The following LRMDA variants were observed in gnomAD, a reference collection of about 807,000 sequenced individuals.
LRMDA encodes leucine rich melanocyte differentiation associated, also known as leucine-rich melanocyte differentiation-associated protein.
Under a neutral mutation model 29.8 loss-of-function variants are expected in LRMDA, and 18 were observed. The ratio of observed to expected loss-of-function variants is 0.60; its 90% confidence interval spans 0.42 to 0.90. The LOEUF (loss-of-function observed/expected upper bound fraction) is 0.90, where lower values mean the gene tolerates loss of function less well. Among genes scored for constraint, LRMDA ranks in the 40% least tolerant of loss-of-function variants. The pLI is 0.00. For missense variants in LRMDA, 273 were observed against 273.9 expected (o/e 1.00, Z 0.02); for synonymous variants, 125 against 109.4 (o/e 1.14, Z -0.89).
intron 6 of LRMDA, among the ~76,000 whole-genome samples, chr10:76,555,601 G>T (rs1477035216): frequency 6.6e-6 from 1 of 152,154 alleles, no homozygotes; most frequent in African/African-American, 2.4e-5. Context: ...CATCTGCTCT[G>T]TCCTTAAAAG....
At chr10:76,128,904 C>G (rs887163423) in intron 5 of LRMDA, among the ~76,000 whole-genome samples, 5 of 152,280 alleles carry the variant, frequency 3.3e-5, no homozygotes, top group Admixed American at 1.3e-4. Context: ...CAAGGAGCGT[C>G]TACCTTATTC....
intron 6 of LRMDA, among the ~76,000 whole-genome samples, chr10:76,371,508 A>G (rs537669146): frequency 1.3e-5 from 2 of 152,032 alleles, no homozygotes; most frequent in Non-Finnish European, 2.9e-5. Flanking sequence ...AGAGCCTGCC[A>G]CTCACTCTTT....
intron 2 of LRMDA, among the ~76,000 whole-genome samples, chr10:75,639,843 C>T (rs139915174): frequency 1.2e-3 from 180 of 152,286 alleles, no homozygotes; most frequent in African/African-American, 4.0e-3. Context: ...TGCGCGGCTG[C>T]GCTCGGAGAG....
chr10:75,519,152 TGTG>T (rs1163136101), intron 2 of LRMDA, among the ~76,000 whole-genome samples: 3 of 152,212 alleles, frequency 2.0e-5, no homozygotes, highest in South Asian at 2.1e-4. Flanking sequence ...ATAAGTATGA[TGTG>T]GTGCTGAGAA....
At chr10:75,961,732 A>G (rs1846770099) in intron 2 of LRMDA, among the ~76,000 whole-genome samples, 1 of 152,244 alleles carries the variant, frequency 6.6e-6, no homozygotes, top group African/African-American at 2.4e-5. Flanking sequence ...GCTTTCCTCT[A>G]AAGTTGCATT....
chr10:75,635,615 T>G (rs941192875), intron 2 of LRMDA, among the ~76,000 whole-genome samples: 17 of 152,136 alleles, frequency 1.1e-4, no homozygotes, highest in African/African-American at 4.1e-4. Context: ...GTGGAATGTT[T>G]CTGGTTCTAC....
intron 5 of LRMDA, among the ~76,000 whole-genome samples, chr10:76,230,640 T>A (rs1852042372): frequency 6.6e-6 from 1 of 151,904 alleles, no homozygotes; most frequent in Non-Finnish European, 1.5e-5. Flanking sequence ...TTTCCAGGCA[T>A]TCTTTTCTAA....
chr10:75,883,516 A>G (rs545145864), intron 2 of LRMDA: 170 of 152,294 alleles, frequency 1.1e-3, no homozygotes, highest in African/African-American at 3.9e-3. Context: ...ACCACCAGAG[A>G]CACTTTGAGG....
chr10:76,327,092 C>CAT (rs1840843878), intron 6 of LRMDA, among the ~76,000 whole-genome samples: 1 of 134,992 alleles, frequency 7.4e-6, no homozygotes. Flanking sequence ...TCCAAATCAT[C>CAT]TTTTTTTTTT....
At chr10:75,799,083 T>C (rs1279921743) in intron 2 of LRMDA, among the ~76,000 whole-genome samples, 1 of 152,230 alleles carries the variant, frequency 6.6e-6, no homozygotes, top group Admixed American at 6.5e-5. Flanking sequence ...CTACAGTATC[T>C]GTACTGGATT....
intron 5 of LRMDA, among the ~76,000 whole-genome samples, chr10:76,159,298 C>G (rs1850600594): frequency 6.6e-6 from 1 of 152,148 alleles, no homozygotes; most frequent in Non-Finnish European, 1.5e-5. Flanking sequence ...GCCACATCTT[C>G]TGTCATCAGG....
chr10:76,005,746 C>A (rs1847640343), intron 2 of LRMDA, among the ~76,000 whole-genome samples: 1 of 152,054 alleles, frequency 6.6e-6, no homozygotes, highest in Admixed American at 6.5e-5. Flanking sequence ...TTGGCTAACA[C>A]AGTGAAACCC....
intron 2 of LRMDA, among the ~76,000 whole-genome samples, chr10:75,482,722 GGT>G (rs1844867518): frequency 6.6e-6 from 1 of 151,946 alleles, no homozygotes; most frequent in African/African-American, 2.4e-5. Flanking sequence ...CACTGCCAGG[GGT>G]ATAAGGATAC....
rs553586644 is a variant in LRMDA, at chr10:75,898,371, C to T, written c.132-137637C>T. 3.9e-5 allele frequency among the ~76,000 whole-genome samples: 6 copies of T among 152,278 alleles called. No individual in the cohort carries two copies. The East Asian group carries it at 9.6e-4, about 24-fold the overall frequency. Reference sequence around the variant, plus strand: ...GTCCAGAAGTTCTAGAAAGAGGACACAAGACAGATTTCTGGAGGCAGAAAC... The same window carrying T: ...GTCCAGAAGTTCTAGAAAGAGGACATAAGACAGATTTCTGGAGGCAGAAAC... On this transcript the variant is annotated intron_variant, in intron 2 of 6. Transcript: ENST00000611255.
chr10:76,089,101 A>T (rs895854483), intron 5 of LRMDA, among the ~76,000 whole-genome samples: 1 of 152,248 alleles, frequency 6.6e-6, no homozygotes, highest in Admixed American at 6.5e-5. Context: ...GAACCAAATT[A>T]GTTGTAATGA....
intron 2 of LRMDA, among the ~76,000 whole-genome samples, chr10:75,456,410 C>A (rs754205043): frequency 2.0e-5 from 3 of 152,218 alleles, no homozygotes; most frequent in Non-Finnish European, 2.9e-5. Context: ...CATTTATTTT[C>A]ACTCTTTCAT....
intron 2 of LRMDA, among the ~76,000 whole-genome samples, chr10:75,655,844 T>A (rs774388782): frequency 3.3e-5 from 5 of 152,156 alleles, no homozygotes; most frequent in African/African-American, 4.8e-5. Flanking sequence ...TGGATAAGGA[T>A]GTTTGGTTCA....
At chr10:76,437,879 G>C (rs1008003584) in intron 6 of LRMDA, among the ~76,000 whole-genome samples, 9 of 152,298 alleles carry the variant, frequency 5.9e-5, no homozygotes, top group African/African-American at 2.2e-4. Context: ...GGCTTTACCT[G>C]TTTATTTTAT....
intron 2 of LRMDA, among the ~76,000 whole-genome samples, chr10:75,957,472 G>C (rs1422857379): frequency 6.6e-6 from 1 of 152,194 alleles, no homozygotes; most frequent in Admixed American, 6.5e-5. Context: ...GAGCATGATG[G>C]ATGAGCAGGA....
Sources: allele counts gnomAD v4.1 joint callset (sites outside exome capture counted in the v4.1 genomes callset), GRCh38; gene constraint gnomAD v4.1.1; transcripts MANE v1.5; gene names NCBI Gene and HGNC (gene_info 2026-07-23, HGNC 2026-07-21).